PSEN1: variants seen among roughly 807,000 people sequenced by gnomAD.
PSEN1 encodes the protein presenilin 1.
A neutral mutation model predicts 53.5 loss-of-function variants in PSEN1; 15 were observed. That is an observed-to-expected ratio of 0.28 (90% confidence interval 0.19 to 0.43). PSEN1 has a LOEUF of 0.43. Ranked by LOEUF, PSEN1 falls within the 20% of genes least tolerant of loss-of-function variation. PSEN1 has a pLI of 1.00. For missense variants in PSEN1, 387 were observed against 571.2 expected (o/e 0.68, Z 3.29); for synonymous variants, 208 against 209.8 (o/e 0.99, Z 0.08).
intron 3 of PSEN1, among the ~76,000 whole-genome samples, chr14:73,166,009 T>C (rs1218489397): frequency 6.6e-6 from 1 of 151,920 alleles, no homozygotes; most frequent in Non-Finnish European, 1.5e-5. Context: ...TGAGCCAAGA[T>C]TGTGCCACTA....
chr14:73,168,964 C>T (rs1420129358), intron 3 of PSEN1: 3 of 152,202 alleles, frequency 2.0e-5, no homozygotes, highest in African/African-American at 7.2e-5. Flanking sequence ...GATTCCCACA[C>T]TCACTCACTC....
chr14:73,197,661 C>T (rs528490070), intron 7 of PSEN1: 61 of 223,978 alleles, frequency 2.7e-4, no homozygotes, highest in African/African-American at 1.4e-3. Context: ...GTGACTTCTC[C>T]CTGTTTCTGC....
rs1043802589 is a variant in PSEN1 at position 73,222,389 on chromosome 14, T to G, written c.*3100T>G. ...ACAGATGATGTTTATTACTTGTTATTTACGTGGCCTCAGACAGTGTATGTA... is the reference window on the plus strand; with the variant it reads ...ACAGATGATGTTTATTACTTGTTATGTACGTGGCCTCAGACAGTGTATGTA... On this transcript the variant is annotated 3_prime_UTR_variant, in exon 12 of 12. Transcript: ENST00000324501. The G allele has an allele frequency of 6.6e-6, 1 of 152,190 alleles. No homozygotes were observed. Among genetic ancestry groups the G allele is most frequent in the African/African-American group, 2.4e-5 (1 of 41,436 alleles). The allele number at this position is 152,190 out of a possible 1,614,324, so 9.4% of individuals were successfully genotyped here. A position where few individuals can be genotyped will look rare whatever the true frequency, so the allele number is the denominator to read the frequency against.
chr14:73,214,717 C>T (rs1457416083), intron 10 of PSEN1, among the ~76,000 whole-genome samples: 1 of 152,078 alleles, frequency 6.6e-6, no homozygotes, highest in Non-Finnish European at 1.5e-5. Flanking sequence ...AAGAAAAATA[C>T]TGTATGATTC....
intron 7 of PSEN1, among the ~76,000 whole-genome samples, chr14:73,194,526 G>A (rs1261445388): frequency 2.0e-5 from 3 of 147,838 alleles, no homozygotes; most frequent in Non-Finnish European, 4.5e-5. Flanking sequence ...CTGCCAAAGT[G>A]TTGGGATTAC....
At chr14:73,162,355 G>A (rs1480704789) in intron 3 of PSEN1, among the ~76,000 whole-genome samples, 1 of 151,830 alleles carries the variant, frequency 6.6e-6, no homozygotes, top group Admixed American at 6.6e-5. Context: ...GGTAAAGTAG[G>A]CAATCTCTTG....
intron 1 of PSEN1, among the ~76,000 whole-genome samples, chr14:73,147,336 A>C (rs1461514425): frequency 6.6e-6 from 1 of 152,162 alleles, no homozygotes; most frequent in Non-Finnish European, 1.5e-5. Context: ...TAAGCAAGTC[A>C]CTGAACTTCT....
At chr14:73,144,954 G>A (rs576398303) in intron 1 of PSEN1, among the ~76,000 whole-genome samples, 7 of 152,058 alleles carry the variant, frequency 4.6e-5, no homozygotes, top group East Asian at 1.9e-4. Context: ...GTGCAGTGGC[G>A]CAATCTTGCT....
At chr14:73,172,556 C>T (rs1897923428) in intron 4 of PSEN1, among the ~76,000 whole-genome samples, 2 of 152,162 alleles carry the variant, frequency 1.3e-5, no homozygotes, top group African/African-American at 2.4e-5. Flanking sequence ...AAAGTGACCA[C>T]GCTCCTTGGT....
At position 73,189,381 on chromosome 14, in the gene PSEN1, C is replaced by T. The variant is rs577804115; in HGVS notation, c.548+2461C>T. Among the ~76,000 whole-genome samples the T allele has an allele frequency of 3.9e-5, 6 of 152,134 alleles. No homozygotes were observed. The South Asian group carries it at 8.3e-4, about 21-fold the overall frequency. On this transcript the variant is annotated intron_variant, in intron 6 of 11. Coordinates refer to ENST00000324501, the MANE Select transcript of PSEN1 (RefSeq NM_000021.4). ...ATCCCAGCACTTTGGGAGGCCGAGGCGGGTGGTTCACCTGAGGTTAGGAGT... is the reference window on the plus strand; with the variant it reads ...ATCCCAGCACTTTGGGAGGCCGAGGTGGGTGGTTCACCTGAGGTTAGGAGT...
At chr14:73,174,738 C>T (rs143989467) in intron 5 of PSEN1, among the ~76,000 whole-genome samples, 3 of 152,306 alleles carry the variant, frequency 2.0e-5, no homozygotes, top group Non-Finnish European at 2.9e-5. Context: ...TGACTGGTCA[C>T]ACCTTGCCTA....
chr14:73,221,909 T>C lies in PSEN1; in HGVS notation c.*2620T>C, dbSNP rs1225851020. 1 of 152,050 alleles carries C rather than the reference T, an allele frequency of 6.6e-6. No homozygotes were observed. The highest frequency in any genetic ancestry group is 1.5e-5 in the Non-Finnish European group (1 of 68,004). The allele number at this position is 152,050 out of a possible 1,614,324, so 9.4% of individuals were successfully genotyped here. ...TTATAGAGTCGGGCAAAACCAGCAG[T>C]AGAGTATGACCAGCCAAGCCAATCT... On this transcript the variant is annotated 3_prime_UTR_variant, in exon 12 of 12. Transcript: ENST00000324501.
Position 73,170,921 on chromosome 14 carries a change from A to T in PSEN1, c.212A>T (p.Glu71Val). Residue 71 changes from glutamate to valine, a missense_variant, in exon 4 of 12, where the codon GAG (glutamate) becomes GTG (valine). Glu to Val is a moderately radical substitution (Grantham distance 121, BLOSUM62 -2). Around this residue, in one of 4 missense-constraint regions of PSEN1, gnomAD observed 99 missense variants for 101.5 expected, o/e 0.98. Coordinates refer to ENST00000324501, the MANE Select transcript of PSEN1 (RefSeq NM_000021.4). ...QVVEQDEEED[E>V]ELTLKYGAKH... ...GTGGAGCAAGATGAGGAAGAAGATG[A>T]GGAGCTGACATTGAAATATGGCGCC... The T allele has an allele frequency of 6.2e-7, 1 of 1,614,238 alleles. No homozygotes were observed. The highest frequency in any genetic ancestry group is 1.1e-5 in the South Asian group (1 of 91,084).
At chr14:73,217,967 T>C (rs1899985580) in intron 11 of PSEN1, among the ~76,000 whole-genome samples, 1 of 151,862 alleles carries the variant, frequency 6.6e-6, no homozygotes, top group South Asian at 2.1e-4. Flanking sequence ...TTTGTATTTT[T>C]AGTAGAAACA....
At chr14:73,156,884 G>A (rs937820205) in intron 3 of PSEN1, among the ~76,000 whole-genome samples, 2 of 151,998 alleles carry the variant, frequency 1.3e-5, no homozygotes, top group African/African-American at 2.4e-5. Context: ...GGATGATCTC[G>A]ATCTCCTGAC....
intron 8 of PSEN1, among the ~76,000 whole-genome samples, chr14:73,198,779 C>A (rs1306989628): frequency 6.6e-6 from 1 of 152,004 alleles, no homozygotes; most frequent in Admixed American, 6.6e-5. Context: ...CCTGTGTTTT[C>A]TTGTTGTTGT....
rs1900133571 is a variant in PSEN1, at chr14:73,222,356, A to G, written c.*3067A>G. 6.6e-6 allele frequency: 1 copy of G among 152,210 alleles called. No homozygotes were observed. Among genetic ancestry groups the G allele is most frequent in the African/African-American group, 2.4e-5 (1 of 41,448 alleles). The allele number at this position is 152,210 out of a possible 1,614,324, so 9.4% of individuals were successfully genotyped here. The stretch of plus-strand genomic sequence containing the variant: ...TTTAAAAACCCTCCTTTTGCAATAG[A>G]TGCCCAAACAGATGATGTTTATTAC... On this transcript the variant is annotated 3_prime_UTR_variant, in exon 12 of 12. Transcript: ENST00000324501.
intron 1 of PSEN1, among the ~76,000 whole-genome samples, chr14:73,146,939 G>A (rs978813222): frequency 6.6e-6 from 1 of 152,012 alleles, no homozygotes; most frequent in Non-Finnish European, 1.5e-5. Flanking sequence ...TGGGAATGTG[G>A]CCCCCCTAGG....
chr14:73,193,082 G>A (rs1171506518), intron 7 of PSEN1, among the ~76,000 whole-genome samples: 1 of 151,912 alleles, frequency 6.6e-6, no homozygotes, highest in Non-Finnish European at 1.5e-5. Flanking sequence ...AGGCTGAGGC[G>A]GGCAGATCAC....
Sources: allele counts gnomAD v4.1 joint callset (sites outside exome capture counted in the v4.1 genomes callset), GRCh38; gene constraint gnomAD v4.1.1; regional missense constraint gnomAD v4.1.1; transcripts MANE v1.5; gene names NCBI Gene and HGNC (gene_info 2026-07-23, HGNC 2026-07-21).